The following ABCC3 variants were observed in gnomAD, a reference collection of about 807,000 sequenced individuals.
ABCC3 encodes ATP binding cassette subfamily C member 3, also known as ATP-binding cassette sub-family C member 3.
Under a neutral mutation model 165.3 loss-of-function variants are expected in ABCC3, and 121 were observed. The ratio of observed to expected loss-of-function variants is 0.73; its 90% CI spans 0.63 to 0.85. The LOEUF (loss-of-function observed/expected upper bound fraction) is 0.85. Among genes scored for constraint, ABCC3 ranks in the 40% least tolerant of loss-of-function variants. The pLI is 0.00. For synonymous variants in ABCC3, 733 were observed against 810.1 expected, an observed-to-expected ratio of 0.90 and a Z score of 1.62; for missense variants, 1,869 against 1,964.1, an observed-to-expected ratio of 0.95 and a Z score of 0.92.
chr17:50,686,295 C>T (rs180970223), intron 29 of ABCC3, among the ~76,000 whole-genome samples: 10 of 152,336 alleles, frequency 6.6e-5, no homozygotes, highest in East Asian at 1.9e-4. Flanking sequence ...GGGCCAGAAA[C>T]GAGCCTCCAC....
At chr17:50,642,978 C>T (rs1966919877) in intron 1 of ABCC3, among the ~76,000 whole-genome samples, 2 of 152,206 alleles carry the variant, frequency 1.3e-5, no homozygotes, top group Non-Finnish European at 2.9e-5. Context: ...TAACAGTGCC[C>T]CTCCTATATA....
At chr17:50,635,199 C>A in intron 1 of ABCC3, 2 of 624,430 alleles carry the variant, frequency 3.2e-6, no homozygotes, top group Non-Finnish European at 5.6e-6. Context: ...CCCTGCTCTG[C>A]CCTTCCCGGC....
At chr17:50,671,343 C>A (rs1967642776) in intron 17 of ABCC3, among the ~76,000 whole-genome samples, 1 of 152,082 alleles carries the variant, frequency 6.6e-6, no homozygotes, top group African/African-American at 2.4e-5. Flanking sequence ...TGCTGTGCAA[C>A]CGATCTCCAG....
rs147972754 is a variant in ABCC3 at position 50,640,530 on chromosome 17, T to C, written c.45+5549T>C. On this transcript the variant is annotated intron_variant, in intron 1 of 30. Coordinates refer to ENST00000285238, the MANE Select transcript of ABCC3 (RefSeq NM_003786.4). ...TTTGTTTGTTTGTTGTGTTGTGTTGTGTTTTTGAGAAGGAGTCTCGCTCTG... is the reference window on the plus strand; with the variant it reads ...TTTGTTTGTTTGTTGTGTTGTGTTGCGTTTTTGAGAAGGAGTCTCGCTCTG... Among the ~76,000 whole-genome samples, 6 of 152,278 alleles carry C rather than the reference T, an allele frequency of 3.9e-5. No homozygotes were observed. In the East Asian group the frequency reaches 1.2e-3, roughly 29 times the overall value.
At position 50,661,088 on chromosome 17, in the gene ABCC3, C is replaced by G. The variant is rs1156962877; in HGVS notation, c.972C>G (p.Leu324=). 3.1e-6 allele frequency: 5 copies of G among 1,613,838 alleles called. No homozygotes were observed. The highest frequency in any genetic ancestry group is 8.5e-7 in the Non-Finnish European group (1 of 1,179,814). Residue 324 remains leucine, a synonymous_variant, in exon 8 of 31, where the codon CTC becomes CTG. Coordinates refer to ENST00000285238, the MANE Select transcript of ABCC3 (RefSeq NM_003786.4). Reference sequence around the variant, plus strand: ...GCTTCAAGCTTATCCAGGACCTGCTCTCCTTCATCAATCCACAGCTGCTCA... The same window carrying G: ...GCTTCAAGCTTATCCAGGACCTGCTGTCCTTCATCAATCCACAGCTGCTCA... ...SACFKLIQDL[L]SFINPQLLSI...
intron 1 of ABCC3, among the ~76,000 whole-genome samples, chr17:50,646,318 G>T (rs1967000862): frequency 6.6e-6 from 1 of 152,194 alleles, no homozygotes; most frequent in South Asian, 2.1e-4. Context: ...TGGCTGGAGT[G>T]AAGCAGGAAA....
intron 1 of ABCC3, among the ~76,000 whole-genome samples, chr17:50,648,889 C>A (rs900687509): frequency 1.3e-5 from 2 of 151,994 alleles, no homozygotes. Context: ...CCGAGGCAGG[C>A]GGATCACTTG....
chr17:50,645,973 G>A (rs1966995921), intron 1 of ABCC3, among the ~76,000 whole-genome samples: 1 of 152,116 alleles, frequency 6.6e-6, no homozygotes, highest in South Asian at 2.1e-4. Flanking sequence ...AGGATACATA[G>A]ATAAATAAAA....
chr17:50,671,246 C>T (rs1220289430), intron 17 of ABCC3, among the ~76,000 whole-genome samples: 2 of 145,942 alleles, frequency 1.4e-5, no homozygotes, highest in East Asian at 3.9e-4. Flanking sequence ...GGCGACAGAG[C>T]AAGACTCTGT....
chr17:50,658,408 C>A, intron 5 of ABCC3, 27 bp from the exon 6 acceptor site: 6 of 1,609,714 alleles, frequency 3.7e-6, no homozygotes, highest in Non-Finnish European at 5.1e-6. Flanking sequence ...ACTCCTGATT[C>A]CCCCGTCCTA....
At chr17:50,689,580 G>A (rs1314743580) in intron 30 of ABCC3, among the ~76,000 whole-genome samples, 1 of 152,240 alleles carries the variant, frequency 6.6e-6, no homozygotes, top group East Asian at 1.9e-4. Flanking sequence ...GGACGATGGA[G>A]TGGGAAGGGT....
intron 28 of ABCC3, among the ~76,000 whole-genome samples, chr17:50,684,418 A>G (rs1318952821): frequency 2.0e-5 from 3 of 151,474 alleles, no homozygotes; most frequent in Non-Finnish European, 4.4e-5. Flanking sequence ...ATTACATTTC[A>G]CTTTTTCTGT....
At position 50,691,308 on chromosome 17, in the gene ABCC3, T is replaced by A; in HGVS notation, c.*108T>A. 1 of 860,056 alleles carries A rather than the reference T, an allele frequency of 1.2e-6. No homozygotes were observed. The highest frequency in any genetic ancestry group is 1.9e-6 in the Non-Finnish European group (1 of 527,204). 53.3% of individuals were successfully genotyped at this position (860,056 alleles called of 1,614,324 possible). ...TTGATAGCAAACACTGGGGGCACCT[T>A]AAGATTTTGCACCTGTAAAGTGCCT... On this transcript the variant is annotated 3_prime_UTR_variant, in exon 31 of 31. Transcript: ENST00000285238.
chr17:50,648,434 A>G (rs1205013716), intron 1 of ABCC3, among the ~76,000 whole-genome samples: 1 of 152,232 alleles, frequency 6.6e-6, no homozygotes, highest in Non-Finnish European at 1.5e-5. Context: ...GGCAAATTCC[A>G]GCCACCTCAC....
Position 50,676,501 on chromosome 17 carries a change from C to T in ABCC3, c.3291C>T (p.Ala1097=), listed in dbSNP as rs748974884. 5 of 1,613,588 alleles carry T rather than the reference C, an allele frequency of 3.1e-6. No individual in the cohort carries two copies. In the South Asian group the frequency reaches 3.3e-5, roughly 11 times the overall value. The part of the protein sequence containing the change: ...ILMLLNSFFN[A]ISTLVVIMAS... ...TGCTGCTCAATTCCTTCTTCAACGC[C>T]ATCTCCACTCTTGTGGTCATCATGG... Residue 1097 remains alanine, a synonymous_variant, in exon 23 of 31, where the codon GCC becomes GCT. Transcript: ENST00000285238.
rs1278056912 is a variant in ABCC3, at chr17:50,673,596, C to T, written c.2537C>T (p.Ala846Val). ...CTGCTGCAGCGCAACGGCTCCTTTG[C>T]CAACTTTCTCTGCAACTATGCCCCC... ...PALLQRNGSF[A>V]NFLCNYAPDE... Residue 846 changes from alanine (A) to valine (V), a missense_variant, in exon 19 of 31, where the codon GCC (alanine) becomes GTC (valine). Physicochemically the swap from Ala to Val is moderately conservative, Grantham distance 64 (BLOSUM62 0). Coordinates refer to ENST00000285238, the MANE Select transcript of ABCC3 (RefSeq NM_003786.4). 7 of 1,614,214 alleles carry T rather than the reference C, an allele frequency of 4.3e-6. No homozygotes were observed. The highest frequency in any genetic ancestry group is 5.9e-6 in the Non-Finnish European group (7 of 1,180,034).
In ABCC3 at chr17:50,673,980, C is replaced by CCTTCCTTCCTTCCTTCCTTCCT. The variant is rs1967725508; in HGVS notation, c.2599+322_2599+323insCTTCCTTCCTTCCTTCCTTCCT. 4.0e-3 allele frequency among the ~76,000 whole-genome samples: 37 copies of CCTTCCTTCCTTCCTTCCTTCCT among 9,366 alleles called. 3 individuals carry two copies. Among genetic ancestry groups the CCTTCCTTCCTTCCTTCCTTCCT allele is most frequent in the African/African-American group, 8.2e-3 (13 of 1,578 alleles). The allele number at this position is 9,366 out of a possible 152,430, so 6.1% of individuals were successfully genotyped here. ...TCTTTCTTTCTTTCTTTCTTTCTTT[C>CCTTCCTTCCTTCCTTCCTTCCT]TCTCTCTCTCTCTCTCTCTCTCTCT... On this transcript the variant is annotated intron_variant, in intron 19 of 30. Transcript: ENST00000285238.
At chr17:50,665,290 C>T (rs1007306768) in intron 11 of ABCC3, 45 bp downstream of exon 11, 20 of 1,585,628 alleles carry the variant, frequency 1.3e-5, no homozygotes, top group East Asian at 9.0e-5. Context: ...AGCACCCGGC[C>T]GGCTGCCTGG....
intron 4 of ABCC3, 118 bp downstream of exon 4, chr17:50,657,301 A>C: frequency 7.5e-7 from 1 of 1,340,454 alleles, no homozygotes; most frequent in Non-Finnish European, 1.0e-6. Context: ...TACAAACACA[A>C]TTGTGTTGTT....
Sources: gnomAD v4.1 joint callset for allele counts (sites outside exome capture counted in the v4.1 genomes callset) on GRCh38, gnomAD v4.1.1 for gene constraint, MANE v1.5 for transcripts, NCBI Gene and HGNC (gene_info 2026-07-23, HGNC 2026-07-21) for gene names.